The following TBC1D31 variants were observed in gnomAD, a reference collection of about 807,000 sequenced individuals.
TBC1D31 encodes WD repeat domain 67.
TBC1D31 carries 99 observed loss-of-function variants against 132.9 expected under a neutral mutation model. That is an observed-to-expected ratio of 0.74 (90% CI 0.63 to 0.88). The LOEUF is 0.88. Ranked by LOEUF, TBC1D31 falls within the 40% of genes least tolerant of loss-of-function variation. The pLI is 0.00. For synonymous variants in TBC1D31, 385 were observed against 419.4 expected (o/e 0.92, Z 1.00); for missense variants, 1,134 against 1,256.6 (o/e 0.90, Z 1.48).
chr8:123,141,025 T>A, intron 18 of TBC1D31, 124 bp downstream of exon 18: 1 of 873,602 alleles, frequency 1.1e-6, no homozygotes, highest in Non-Finnish European at 1.8e-6. Context: ...GCTTCAGTTG[T>A]CACAGTTCCT....
chr8:123,072,778 C>T lies in TBC1D31; in HGVS notation c.9C>T (p.Ser3=). 6.4e-7 allele frequency: 1 copy of T among 1,567,374 alleles called. No homozygotes were observed. The highest frequency in any genetic ancestry group is 8.6e-7 in the Non-Finnish European group (1 of 1,156,530). MQ[S]TDLGNKESGK... is the part of the protein sequence containing the mutation. Reference sequence around the variant, plus strand: ...CGTGGGCAAGCTTCGCCATGCAGAGCACTGACCTAGGCAACAAGGAGAGCG... The same window carrying T: ...CGTGGGCAAGCTTCGCCATGCAGAGTACTGACCTAGGCAACAAGGAGAGCG... The change falls in exon 1 of 22, where the codon AGC becomes AGT. Residue 3 remains serine, a synonymous_variant. Coordinates refer to ENST00000287380, the MANE Select transcript of TBC1D31 (RefSeq NM_145647.4).
chr8:123,119,849 C>T (rs760233211), intron 10 of TBC1D31, among the ~76,000 whole-genome samples: 5 of 152,046 alleles, frequency 3.3e-5, no homozygotes, highest in South Asian at 4.2e-4. Context: ...ATGCAAAGTA[C>T]AGAACAATTT....
intron 10 of TBC1D31, among the ~76,000 whole-genome samples, chr8:123,116,924 A>G (rs1392815152): frequency 1.3e-5 from 2 of 152,352 alleles, no homozygotes; most frequent in East Asian, 1.9e-4. Flanking sequence ...TAATAAATAT[A>G]GAAGGAATTA....
chr8:123,102,841 A>C (rs1322547888), intron 7 of TBC1D31: 3 of 152,326 alleles, frequency 2.0e-5, no homozygotes, highest in Non-Finnish European at 4.4e-5. Flanking sequence ...CTTTTTGTTA[A>C]GATTCTACTG....
intron 4 of TBC1D31, among the ~76,000 whole-genome samples, chr8:123,091,579 C>G (rs2130110655): frequency 6.6e-6 from 1 of 152,250 alleles, no homozygotes; most frequent in East Asian, 1.9e-4. Context: ...CAGGCCCTTG[C>G]CTGATCTGTC....
At chr8:123,152,948 T>C (rs952356685), downstream of TBC1D31, among the ~76,000 whole-genome samples, 4 of 152,214 alleles carry the variant, frequency 2.6e-5, no homozygotes, top group Admixed American at 2.6e-4. Flanking sequence ...TATGTAGTAC[T>C]AATTATTTTT....
chr8:123,156,368 G>A (rs1320074408), downstream of TBC1D31, among the ~76,000 whole-genome samples: 1 of 151,602 alleles, frequency 6.6e-6, no homozygotes, highest in Non-Finnish European at 1.5e-5. Flanking sequence ...TTGAACCTGG[G>A]AGGCGGAGGT....
intron 2 of TBC1D31, among the ~76,000 whole-genome samples, chr8:123,079,107 G>A (rs575329676): frequency 6.6e-6 from 1 of 152,252 alleles, no homozygotes; most frequent in South Asian, 2.1e-4. Context: ...AAACTGTGCT[G>A]ATATCTCTAC....
intron 3 of TBC1D31, chr8:123,083,950 C>T (rs1298613458): frequency 6.5e-6 from 3 of 465,054 alleles, no homozygotes; most frequent in South Asian, 8.7e-5. Context: ...CCTTTGTCAG[C>T]CTTGTCTCCT....
intron 16 of TBC1D31, 118 bp from the exon 17 acceptor site, chr8:123,133,996 C>T: frequency 1.6e-6 from 1 of 627,878 alleles, no homozygotes; most frequent in Non-Finnish European, 2.6e-6. Flanking sequence ...TTTCAAAAAC[C>T]CAGTTGCTGT....
intron 5 of TBC1D31, among the ~76,000 whole-genome samples, chr8:123,096,012 G>A (rs1343310847): frequency 6.6e-6 from 1 of 152,086 alleles, no homozygotes; most frequent in Non-Finnish European, 1.5e-5. Flanking sequence ...TCATTGCTGT[G>A]GTTATTACCC....
chr8:123,154,100 T>C (rs939192471), downstream of TBC1D31, among the ~76,000 whole-genome samples: 1 of 152,236 alleles, frequency 6.6e-6, no homozygotes, highest in African/African-American at 2.4e-5. Flanking sequence ...CCACAGTCAT[T>C]GCATGTGGGT....
At chr8:123,072,939 C>A in intron 1 of TBC1D31, 93 bp downstream of exon 1, 1 of 1,295,448 alleles carries the variant, frequency 7.7e-7, no homozygotes. Flanking sequence ...CGGGTTCTGG[C>A]TCTGACCTTG....
Position 123,119,530 on chromosome 8 carries a change from G to A in TBC1D31, c.1437-525G>A, listed in dbSNP as rs114460235. Among the ~76,000 whole-genome samples the A allele has an allele frequency of 4.1e-3, 620 of 152,246 alleles. 4 individuals carry two copies. Among genetic ancestry groups the A allele is most frequent in the African/African-American group, 0.013 (520 of 41,538 alleles). On this transcript the variant is annotated intron_variant, in intron 10 of 21. Coordinates refer to ENST00000287380, the MANE Select transcript of TBC1D31 (RefSeq NM_145647.4). ...GTTTGAGACCAGCCTGGGTAATATA[G>A]TGAGACCCTGTCTCTACCCGCAAGA...
chr8:123,100,807 G>C lies in TBC1D31; in HGVS notation c.832G>C (p.Val278Leu). ...GGAATTTATATTTTTTCTCTCTTAG[G>C]TTCTTGGAGTACTAAGTCAAGATGG... ...PDSFDAGSNQ[V>L]LGVLSQDGIM... is the part of the protein sequence containing the mutation. The change falls in exon 7 of 22, where the codon GTT becomes CTT. Residue 278 changes from valine (V) to leucine (L), a missense_variant and splice_region_variant. By Grantham distance (32) the Val-to-Leu change is conservative. Coordinates refer to ENST00000287380, the MANE Select transcript of TBC1D31 (RefSeq NM_145647.4). 1.9e-6 allele frequency: 3 copies of C among 1,609,740 alleles called. No homozygotes were observed. Among genetic ancestry groups the C allele is most frequent in the Non-Finnish European group, 2.6e-6 (3 of 1,176,346 alleles).
At chr8:123,147,465 C>A (rs527295499) in intron 20 of TBC1D31, among the ~76,000 whole-genome samples, 2 of 152,316 alleles carry the variant, frequency 1.3e-5, no homozygotes, top group East Asian at 3.9e-4. Context: ...ATCCACCGCA[C>A]CCAGCCTTAC....
At chr8:123,095,960 A>G (rs1816796631) in intron 5 of TBC1D31, among the ~76,000 whole-genome samples, 1 of 151,978 alleles carries the variant, frequency 6.6e-6, no homozygotes. Flanking sequence ...AATACCATCA[A>G]CTCAACCAAA....
At chr8:123,124,938 C>CAAAA (rs1310001681) in intron 11 of TBC1D31, among the ~76,000 whole-genome samples, 1 of 81,072 alleles carries the variant, frequency 1.2e-5, no homozygotes, top group Non-Finnish European at 2.6e-5. Context: ...CTCCGTCTCA[C>CAAAA]AAAAAAAAAA....
chr8:123,147,490 G>T (rs529265129), intron 20 of TBC1D31, among the ~76,000 whole-genome samples: 1 of 152,048 alleles, frequency 6.6e-6, no homozygotes, highest in African/African-American at 2.4e-5. Flanking sequence ...GTTTTAGAAA[G>T]AAAAATAGAA....
Sources: allele counts gnomAD v4.1 joint callset (sites outside exome capture counted in the v4.1 genomes callset), GRCh38; gene constraint gnomAD v4.1.1; transcripts MANE v1.5; gene names NCBI Gene and HGNC (gene_info 2026-07-23, HGNC 2026-07-21).